The following ANKRD24 variants were observed in gnomAD, a reference collection of about 807,000 sequenced individuals.
The protein encoded by ANKRD24 is ankyrin repeat domain 24.
Under a neutral mutation model 127.8 loss-of-function variants are expected in ANKRD24, and 109 were observed. The ratio of observed to expected loss-of-function variants is 0.85; its 90% CI spans 0.73 to 1.00. The LOEUF is 1.00. Among genes scored for constraint, ANKRD24 ranks in the 50% least tolerant of loss-of-function variants. ANKRD24 has a pLI of 0.00. For synonymous variants in ANKRD24, 743 were observed against 671.1 expected, an observed-to-expected ratio of 1.11 and a Z score of -1.66; for missense variants, 1,648 against 1,570.2, an observed-to-expected ratio of 1.05 and a Z score of -0.84.
chr19:4,196,769 C>A (rs1308913062), intron 2 of ANKRD24, among the ~76,000 whole-genome samples: 5 of 152,152 alleles, frequency 3.3e-5, no homozygotes, highest in Non-Finnish European at 7.3e-5. Flanking sequence ...ATCCAGTGGG[C>A]GCTCAATAAA....
rs1170519727 is a variant in ANKRD24, at chr19:4,216,549, G to A, written c.1390-1G>A. 6.2e-7 allele frequency: 1 copy of A among 1,604,640 alleles called. No individual in the cohort carries two copies. The highest frequency in any genetic ancestry group is 2.2e-5 in the East Asian group (1 of 44,598). On this transcript the variant is annotated splice_acceptor_variant, in intron 17 of 21. Coordinates refer to ENST00000318934, the MANE Select transcript of ANKRD24 (RefSeq NM_001393985.1). LOFTEE classifies it high-confidence loss of function. ...CTCCTGCCCCCCACTCCACTCCCCAGATCCTGGAGAACTTTGAGAAGGACG... is the reference window on the plus strand; with the variant it reads ...CTCCTGCCCCCCACTCCACTCCCCAAATCCTGGAGAACTTTGAGAAGGACG...
At chr19:4,186,179 C>G (rs1038649595) in intron 1 of ANKRD24, 22 of 1,158,472 alleles carry the variant, frequency 1.9e-5, no homozygotes, top group Non-Finnish European at 2.4e-5. Flanking sequence ...ATTTCTGTCA[C>G]TGTATAGATG....
chr19:4,212,073 G>A (rs1014970400), intron 13 of ANKRD24, among the ~76,000 whole-genome samples: 8 of 152,046 alleles, frequency 5.3e-5, no homozygotes, highest in African/African-American at 1.4e-4. Flanking sequence ...GTTGGCGGGC[G>A]CCTGTAGTCC....
At chr19:4,223,401 A>ATTTTTT (rs1173862080) in intron 20 of ANKRD24, among the ~76,000 whole-genome samples, 12 of 53,324 alleles carry the variant, frequency 2.3e-4, no homozygotes, top group African/African-American at 3.8e-4. Context: ...ATATATATAT[A>ATTTTTT]TTTTTTTTTT....
At chr19:4,206,876 C>T (rs1025149584) in intron 7 of ANKRD24, among the ~76,000 whole-genome samples, 9 of 152,100 alleles carry the variant, frequency 5.9e-5, no homozygotes, top group African/African-American at 2.2e-4. Flanking sequence ...CTCACCCTAC[C>T]CCTACTCTTC....
intron 19 of ANKRD24, among the ~76,000 whole-genome samples, chr19:4,221,408 T>C (rs1231476086): frequency 6.6e-6 from 1 of 151,320 alleles, no homozygotes; most frequent in African/African-American, 2.4e-5. Flanking sequence ...TTTGTTTGTT[T>C]GGTAAGAGAT....
chr19:4,223,391 A>AT (rs1568349097), intron 20 of ANKRD24, among the ~76,000 whole-genome samples: 15 of 84,746 alleles, frequency 1.8e-4, no homozygotes, highest in African/African-American at 8.6e-4. Flanking sequence ...ATATATATAT[A>AT]TATATATATA....
rs1489321083 is a variant in ANKRD24 at position 4,217,453 on chromosome 19, C to T, written c.2293C>T (p.Arg765Ter). 1 of 1,512,800 alleles carries T rather than the reference C, an allele frequency of 6.6e-7. No homozygotes were observed. The highest frequency in any genetic ancestry group is 2.5e-5 in the East Asian group (1 of 40,388). The allele number at this position is 1,512,800 out of a possible 1,614,324, so 93.7% of individuals were successfully genotyped here. The change falls in exon 18 of 22, where the codon CGA (arginine) becomes TGA (stop). Residue 765 changes from arginine (R) to a stop codon, truncating the protein, a stop_gained. Transcript: ENST00000318934. LOFTEE classifies it high-confidence loss of function. ...EAAEAEAGRL[R>*]ERVREAEGSG... Reference sequence around the variant, plus strand: ...CGCGGAGGCCGAGGCAGGCCGGCTGCGAGAGCGTGTCCGCGAGGCCGAGGG... The same window carrying T: ...CGCGGAGGCCGAGGCAGGCCGGCTGTGAGAGCGTGTCCGCGAGGCCGAGGG...
rs776299119 is a variant in ANKRD24, at chr19:4,219,769, C to G, written c.3171+11C>G. ...GAGAAGGACAAGAAGGTGGGTGCCC[C>G]CTCTCCCACACTCAGTCAGGGAGGC... On this transcript the variant is annotated intron_variant, in intron 19 of 21. Transcript: ENST00000318934. The G allele has an allele frequency of 4.4e-6, 7 of 1,592,254 alleles. No individual in the cohort carries two copies. The African/African-American group carries it at 9.4e-5, about 21-fold the overall frequency.
At position 4,199,557 on chromosome 19, in the gene ANKRD24, G is replaced by A. The variant is rs1282892782; in HGVS notation, c.37-126G>A. On this transcript the variant is annotated intron_variant, in intron 2 of 21. Transcript: ENST00000318934. The surrounding 1 kb of genome is among the most constrained non-coding windows in gnomAD (Gnocchi z 5.2). The stretch of plus-strand genomic sequence containing the variant: ...ATAGATGCCAGGGGGCTGCTCAGGG[G>A]ATGATGCTGGTGGTGGGCTTTTGTT... 7.0e-7 allele frequency: 1 copy of A among 1,432,308 alleles called. No individual in the cohort carries two copies. Among genetic ancestry groups the A allele is most frequent in the African/African-American group, 1.4e-5 (1 of 69,502 alleles). 88.7% of individuals were successfully genotyped at this position (1,432,308 alleles called of 1,614,324 possible). A position where few individuals can be genotyped will look rare whatever the true frequency, so the allele number is the denominator to read the frequency against.
intron 2 of ANKRD24, among the ~76,000 whole-genome samples, chr19:4,188,888 A>G (rs965924932): frequency 6.6e-6 from 1 of 151,728 alleles, no homozygotes; most frequent in Admixed American, 6.6e-5. Context: ...GCTCACTGCA[A>G]CCTCTGCCTC....
In ANKRD24 at chr19:4,210,467, C is replaced by T. The variant is rs1969658433; in HGVS notation, c.1059+95C>T. On this transcript the variant is annotated intron_variant, in intron 13 of 21. Coordinates refer to ENST00000318934, the MANE Select transcript of ANKRD24 (RefSeq NM_001393985.1). ...TACTTTTCTCCCACCTTCCCTCCTC[C>T]ATCTCTCTCCCTCCCCACCCTGCTG... 11 of 1,143,152 alleles carry T rather than the reference C, an allele frequency of 9.6e-6. 1 individual carries two copies. In the South Asian group the frequency reaches 1.3e-4, roughly 13 times the overall value. 70.8% of individuals were successfully genotyped at this position (1,143,152 alleles called of 1,614,324 possible).
chr19:4,211,579 G>A (rs181775469), intron 13 of ANKRD24, among the ~76,000 whole-genome samples: 31 of 152,164 alleles, frequency 2.0e-4, no homozygotes, highest in African/African-American at 7.5e-4. Context: ...GGGAGGCAGA[G>A]GTTGCAGTGA....
In ANKRD24 at chr19:4,198,471, C is replaced by G; in HGVS notation, c.37-1212C>G. ...CTCCTCTTGGAACCCCGTGCGCCCC[C>G]CGCGCCCCGCGCCCCGGACGCCATG... On this transcript the variant is annotated intron_variant, in intron 2 of 21. Coordinates refer to ENST00000318934, the MANE Select transcript of ANKRD24 (RefSeq NM_001393985.1). The surrounding 1 kb of genome is among the most constrained non-coding windows in gnomAD (Gnocchi z 6.1). The G allele has an allele frequency of 1.6e-6, 1 of 618,886 alleles. No homozygotes were observed. Among genetic ancestry groups the G allele is most frequent in the Non-Finnish European group, 2.9e-6 (1 of 344,026 alleles). 38.3% of individuals were successfully genotyped at this position (618,886 alleles called of 1,614,324 possible). A position where few individuals can be genotyped will look rare whatever the true frequency, so the allele number is the denominator to read the frequency against.
intron 16 of ANKRD24, 110 bp downstream of exon 16, chr19:4,216,160 A>C (rs1452003635): frequency 7.8e-6 from 11 of 1,403,104 alleles, no homozygotes; most frequent in Non-Finnish European, 1.1e-5. Context: ...GTTTGTACTC[A>C]TCCGTTTTTT....
chr19:4,203,677 C>T (rs966656690), intron 7 of ANKRD24, among the ~76,000 whole-genome samples: 1 of 151,034 alleles, frequency 6.6e-6, no homozygotes, highest in Non-Finnish European at 1.5e-5. Context: ...CATAGAATCT[C>T]CCTCTGTCGC....
intron 7 of ANKRD24, among the ~76,000 whole-genome samples, chr19:4,203,250 T>C (rs1969195097): frequency 1.3e-5 from 2 of 152,178 alleles, no homozygotes; most frequent in Non-Finnish European, 2.9e-5. Flanking sequence ...GGTTTCACCA[T>C]GGTGGCCAGG....
chr19:4,201,802 G>A (rs1390887462), intron 5 of ANKRD24, among the ~76,000 whole-genome samples: 2 of 152,090 alleles, frequency 1.3e-5, no homozygotes, highest in African/African-American at 2.4e-5. Context: ...CAGGAGGATC[G>A]CTTGAGCCTA....
intron 13 of ANKRD24, among the ~76,000 whole-genome samples, chr19:4,211,239 C>T (rs1443684144): frequency 6.6e-6 from 1 of 152,178 alleles, no homozygotes; most frequent in African/African-American, 2.4e-5. Context: ...CTGATGGTGC[C>T]TGGGTCACAG....
Sources: gnomAD v4.1 joint callset for allele counts (sites outside exome capture counted in the v4.1 genomes callset) on GRCh38, gnomAD v4.1.1 for gene constraint, Gnocchi (gnomAD v3.1) non-coding constraint, MANE v1.5 for transcripts, NCBI Gene and HGNC (gene_info 2026-07-23, HGNC 2026-07-21) for gene names.